NPFFR1: variants seen among roughly 807,000 people sequenced by gnomAD.
The protein encoded by NPFFR1 is G-protein coupled receptor 147.
Under a neutral mutation model 12.7 loss-of-function variants are expected in NPFFR1, and 17 were observed. The ratio of observed to expected loss-of-function variants is 1.34; its 90% CI spans 0.92 to 2.01. NPFFR1 has a LOEUF of 2.01. NPFFR1 is among the 30% of genes most tolerant of loss of function. The pLI is 0.00. For synonymous variants in NPFFR1, 296 were observed against 264.5 expected, an observed-to-expected ratio of 1.12 and a Z score of -1.16; for missense variants, 604 against 606.5, an observed-to-expected ratio of 1.00 and a Z score of 0.04.
intron 1 of NPFFR1, among the ~76,000 whole-genome samples, chr10:70,276,374 T>C (rs1840804526): frequency 6.6e-6 from 1 of 152,128 alleles, no homozygotes; most frequent in Admixed American, 6.6e-5. Context: ...GAATCTTCTT[T>C]TAGGAAATAT....
At chr10:70,273,205 A>G (rs1369234045) in intron 1 of NPFFR1, among the ~76,000 whole-genome samples, 1 of 152,144 alleles carries the variant, frequency 6.6e-6, no homozygotes, top group African/African-American at 2.4e-5. Flanking sequence ...GGAAGGATGG[A>G]TGATGGGCAG....
At chr10:70,278,068 G>T in intron 1 of NPFFR1, 1 of 492,878 alleles carries the variant, frequency 2.0e-6, no homozygotes, top group South Asian at 1.5e-5. Context: ...ATGGGAACTG[G>T]TGAGGAGACA....
Position 70,255,122 on chromosome 10 carries a change from C to T in NPFFR1, c.1128G>A (p.Val376=). 1.3e-6 allele frequency: 2 copies of T among 1,507,856 alleles called. No individual in the cohort carries two copies. Among genetic ancestry groups the T allele is most frequent in the Non-Finnish European group, 1.8e-6 (2 of 1,131,308 alleles). The allele number at this position is 1,507,856 out of a possible 1,614,324, so 93.4% of individuals were successfully genotyped here. A position where few individuals can be genotyped will look rare whatever the true frequency, so the allele number is the denominator to read the frequency against. ...AGGGCAGCCCGGAGTCGCTGGGCCG[C>T]ACCACCACGAAGACCCGCCTGTGCA... ...GLLHRRVFVV[V]RPSDSGLPSE... The change falls in exon 4 of 4, where the codon GTG becomes GTA. Residue 376 remains valine, a synonymous_variant. Coordinates refer to ENST00000277942, the MANE Select transcript of NPFFR1 (RefSeq NM_022146.5). This position sits in a 1 kb window ranked among gnomAD's most constrained non-coding sequence, Gnocchi z 4.2.
rs1840534609 is a variant in NPFFR1, at chr10:70,253,694, G to A, written c.*1263C>T. ...CGACCCCTGGAAACGTTTCTTTTTT[G>A]TTTACTAAATTTCTAGCAACACCGT... On this transcript the variant is annotated 3_prime_UTR_variant, in exon 4 of 4. Coordinates refer to ENST00000277942, the MANE Select transcript of NPFFR1 (RefSeq NM_022146.5). 1 of 152,004 alleles carries A rather than the reference G, an allele frequency of 6.6e-6. No homozygotes were observed. The highest frequency in any genetic ancestry group is 1.5e-5 in the Non-Finnish European group (1 of 67,976). 9.4% of individuals were successfully genotyped at this position (152,004 alleles called of 1,614,324 possible).
chr10:70,266,683 G>A (rs1388823003), intron 1 of NPFFR1, among the ~76,000 whole-genome samples: 3 of 152,130 alleles, frequency 2.0e-5, no homozygotes, highest in Non-Finnish European at 4.4e-5. Flanking sequence ...TGGCCCTCCT[G>A]TGTGCCCCAG....
Position 70,255,949 on chromosome 10 carries a change from C to CT in NPFFR1, c.423-123dup. 1 of 1,062,468 alleles carries CT rather than the reference C, an allele frequency of 9.4e-7. No homozygotes were observed. The highest frequency in any genetic ancestry group is 2.6e-5 in the East Asian group (1 of 38,412). 65.8% of individuals were successfully genotyped at this position (1,062,468 alleles called of 1,614,324 possible). On this transcript the variant is annotated intron_variant, in intron 3 of 3. Coordinates refer to ENST00000277942, the MANE Select transcript of NPFFR1 (RefSeq NM_022146.5). The surrounding 1 kb of genome is among the most constrained non-coding windows in gnomAD (Gnocchi z 4.2). ...CATCTAGGGCGGCGTCGAAGAACAG[C>CT]TCAGACCTGAATTGGCTGAGTAGTC...
chr10:70,266,187 T>A lies in NPFFR1; in HGVS notation c.212A>T (p.Asn71Ile), dbSNP rs771666182. The A allele has an allele frequency of 1.4e-5, 23 of 1,613,930 alleles. 1 individual carries two copies. In the South Asian group the frequency reaches 2.5e-4, roughly 18 times the overall value. The change falls in exon 2 of 4, where the codon AAC (asparagine) becomes ATC (isoleucine). Residue 71 changes from asparagine to isoleucine, a missense_variant. Asn to Ile is a moderately radical substitution (Grantham distance 149). Transcript: ENST00000277942. The stretch of plus-strand genomic sequence containing the variant: ...GTTGGTGACAGTATGCATGTGCCGG[T>A]TCTTGAGCACGATGAAACAGACCAG... ...NTLVCFIVLKNRHMHTVTNMF... is the reference protein window; with the variant it reads ...NTLVCFIVLKIRHMHTVTNMF...
At position 70,255,832 on chromosome 10, in the gene NPFFR1, C is replaced by G. The variant is rs1379821629; in HGVS notation, c.423-5G>C. On this transcript the variant is annotated splice_region_variant and splice_polypyrimidine_tract_variant and intron_variant, in intron 3 of 3. Coordinates refer to ENST00000277942, the MANE Select transcript of NPFFR1 (RefSeq NM_022146.5). This position sits in a 1 kb window ranked among gnomAD's most constrained non-coding sequence, Gnocchi z 4.2. ...GGGTGCACGATGCAGCGGAACCTGC[C>G]GCGGGGAGAGAGACAGGCGGGATCT... 15 of 1,601,998 alleles carry G rather than the reference C, an allele frequency of 9.4e-6. No individual in the cohort carries two copies. The highest frequency in any genetic ancestry group is 1.3e-5 in the African/African-American group (1 of 74,698).
intron 1 of NPFFR1, among the ~76,000 whole-genome samples, chr10:70,270,430 A>G (rs1036655366): frequency 3.9e-5 from 6 of 152,194 alleles, no homozygotes; most frequent in South Asian, 2.1e-4. Flanking sequence ...ATCTGTGGGT[A>G]TGGATGGGCA....
In NPFFR1 at chr10:70,255,877, T is replaced by A; in HGVS notation, c.423-50A>T. On this transcript the variant is annotated intron_variant, in intron 3 of 3. Transcript: ENST00000277942. The surrounding 1 kb of genome is among the most constrained non-coding windows in gnomAD (Gnocchi z 4.2). ...GGATCTGGGTGGGTCCTAGGGCCCCTGCGAGGGGACGGTGGGTGGGATGCG... is the reference window on the plus strand; with the variant it reads ...GGATCTGGGTGGGTCCTAGGGCCCCAGCGAGGGGACGGTGGGTGGGATGCG... The A allele has an allele frequency of 6.5e-7, 1 of 1,536,162 alleles. No individual in the cohort carries two copies. Among genetic ancestry groups the A allele is most frequent in the Non-Finnish European group, 8.8e-7 (1 of 1,137,144 alleles).
chr10:70,282,941 A>C (rs1840877215), intron 1 of NPFFR1, among the ~76,000 whole-genome samples: 1 of 152,010 alleles, frequency 6.6e-6, no homozygotes, highest in Non-Finnish European at 1.5e-5. Flanking sequence ...AGGGAGAGAA[A>C]TTCTCTCTAC....
intron 3 of NPFFR1, among the ~76,000 whole-genome samples, chr10:70,257,037 C>T (rs569714112): frequency 6.6e-6 from 1 of 152,280 alleles, no homozygotes; most frequent in African/African-American, 2.4e-5. Context: ...GAGGCCAAGG[C>T]AGGAGGATCA....
chr10:70,270,656 A>T (rs953158545), intron 1 of NPFFR1, among the ~76,000 whole-genome samples: 3 of 150,882 alleles, frequency 2.0e-5, no homozygotes, highest in Non-Finnish European at 4.4e-5. Context: ...AGGAGGAAAA[A>T]CTCCTTCCCA....
At chr10:70,267,864 C>T (rs185762458) in intron 1 of NPFFR1, among the ~76,000 whole-genome samples, 5 of 152,200 alleles carry the variant, frequency 3.3e-5, no homozygotes, top group Admixed American at 2.0e-4. Context: ...GGGGGCACTG[C>T]GGTGAGTGTT....
At chr10:70,279,039 C>A (rs1840833041) in intron 1 of NPFFR1, among the ~76,000 whole-genome samples, 1 of 152,024 alleles carries the variant, frequency 6.6e-6, no homozygotes, top group South Asian at 2.1e-4. Context: ...TTTATGAATA[C>A]AAGGTGGAGT....
intron 3 of NPFFR1, among the ~76,000 whole-genome samples, chr10:70,259,683 A>G (rs568687065): frequency 6.6e-6 from 1 of 152,310 alleles, no homozygotes; most frequent in East Asian, 1.9e-4. Flanking sequence ...CAGGGTTAAG[A>G]TATGCCTGTG....
chr10:70,263,621 A>G (rs1470910480), intron 2 of NPFFR1, among the ~76,000 whole-genome samples: 2 of 152,222 alleles, frequency 1.3e-5, no homozygotes, highest in Admixed American at 6.5e-5. Context: ...GAAATATAAC[A>G]GAATGGCTGC....
At position 70,254,483 on chromosome 10, in the gene NPFFR1, G is replaced by A. The variant is rs11818439; in HGVS notation, c.*474C>T. The A allele has an allele frequency of 0.05, 7,708 of 154,976 alleles. 392 individuals are homozygous for A. Among genetic ancestry groups the A allele is most frequent in the African/African-American group, 0.13 (5,396 of 41,634 alleles). 9.6% of individuals were successfully genotyped at this position (154,976 alleles called of 1,614,324 possible). ...AAGGGACAGGCCGGCTTTGCTTTTC[G>A]CTTCTTCCTAGCTGCCTAATTAGGA... On this transcript the variant is annotated 3_prime_UTR_variant, in exon 4 of 4. Coordinates refer to ENST00000277942, the MANE Select transcript of NPFFR1 (RefSeq NM_022146.5).
chr10:70,265,949 A>C (rs1309574541), intron 2 of NPFFR1, 128 bp downstream of exon 2: 1 of 814,700 alleles, frequency 1.2e-6, no homozygotes, highest in Non-Finnish European at 2.0e-6. Flanking sequence ...TGAGAGTTCG[A>C]GACCACGGCA....
Sources: allele counts gnomAD v4.1 joint callset (sites outside exome capture counted in the v4.1 genomes callset), GRCh38; gene constraint gnomAD v4.1.1; non-coding constraint Gnocchi (gnomAD v3.1); transcripts MANE v1.5; gene names NCBI Gene and HGNC (gene_info 2026-07-23, HGNC 2026-07-21).